The following NSMCE4A variants were observed in gnomAD, a reference collection of about 807,000 sequenced individuals.
NSMCE4A encodes the protein non-structural maintenance of chromosomes element 4 homolog A.
NSMCE4A carries 40 observed loss-of-function variants against 47.9 expected under a neutral mutation model. The observed-to-expected ratio is 0.83, with a 90% CI of 0.65 to 1.09. The LOEUF (loss-of-function observed/expected upper bound fraction) is 1.09. Ranked by LOEUF, NSMCE4A falls within the 50% of genes least tolerant of loss-of-function variation. The probability of loss-of-function intolerance (pLI) is 0.00; values close to 1 mark genes in which losing one functional copy is unlikely to be tolerated. For synonymous variants in NSMCE4A, 166 were observed against 178.5 expected (o/e 0.93, Z 0.56); for missense variants, 500 against 507.0 (o/e 0.99, Z 0.13).
In NSMCE4A at chr10:121,960,709, G is replaced by C. The variant is rs546841478; in HGVS notation, c.940-303C>G. Among the ~76,000 whole-genome samples the C allele has an allele frequency of 4.7e-4, 72 of 152,188 alleles. No individual in the cohort carries two copies. The highest frequency in any genetic ancestry group is 6.5e-4 in the Non-Finnish European group (44 of 68,008). On this transcript the variant is annotated intron_variant, in intron 7 of 10. Coordinates refer to ENST00000369023, the MANE Select transcript of NSMCE4A (RefSeq NM_017615.3). This position sits in a 1 kb window ranked among gnomAD's most constrained non-coding sequence, Gnocchi z 4.2. ...TTTGGAATACTCCACATTTTATTCT[G>C]CATAATTCTGTCACTGGGACCACTG...
intron 5 of NSMCE4A, among the ~76,000 whole-genome samples, chr10:121,964,793 A>G (rs1952575244): frequency 6.6e-6 from 1 of 152,192 alleles, no homozygotes; most frequent in Admixed American, 6.5e-5. Context: ...TACCAGATTA[A>G]CCATTTTCAG....
At chr10:121,959,717 A>C in intron 8 of NSMCE4A, 122 bp from the exon 9 acceptor site, 1 of 665,982 alleles carries the variant, frequency 1.5e-6, no homozygotes, top group South Asian at 1.9e-5. Flanking sequence ...ATAATATTAC[A>C]TACTTTTTAG....
chr10:121,961,569 G>A (rs760539839), intron 6 of NSMCE4A, 52 bp from the exon 7 acceptor site: 180 of 1,087,568 alleles, frequency 1.7e-4, no homozygotes, highest in Non-Finnish European at 2.3e-4. Context: ...ATTAATATCA[G>A]TACACTCTAG....
intron 5 of NSMCE4A, among the ~76,000 whole-genome samples, chr10:121,963,753 G>A (rs186495122): frequency 5.8e-4 from 88 of 152,126 alleles, no homozygotes; most frequent in East Asian, 4.4e-3. Context: ...GGTGACAGGC[G>A]CCTGTACTCC....
At chr10:121,965,525 G>A (rs1486594370) in intron 4 of NSMCE4A, 140 bp from the exon 5 acceptor site, 1 of 636,160 alleles carries the variant, frequency 1.6e-6, no homozygotes, top group Non-Finnish European at 2.8e-6. Context: ...ATCAGAGTAA[G>A]ACTCTTGATA....
intron 3 of NSMCE4A, among the ~76,000 whole-genome samples, chr10:121,969,962 C>T (rs375392149): frequency 2.0e-5 from 3 of 151,980 alleles, no homozygotes; most frequent in South Asian, 2.1e-4. Context: ...GTGATCCACC[C>T]GCCTCAGCCT....
At chr10:121,964,126 T>C (rs1490091802) in intron 5 of NSMCE4A, among the ~76,000 whole-genome samples, 1 of 146,586 alleles carries the variant, frequency 6.8e-6, no homozygotes, top group Non-Finnish European at 1.5e-5. Flanking sequence ...AAAAAACAGA[T>C]TTTCTGGTTT....
In NSMCE4A at chr10:121,965,332, G is replaced by A. The variant is rs1343381179; in HGVS notation, c.707C>T (p.Pro236Leu). The change falls in exon 5 of 11, where the codon CCA (proline) becomes CTA (leucine). Residue 236 changes from proline to leucine, a missense_variant. Coordinates refer to ENST00000369023, the MANE Select transcript of NSMCE4A (RefSeq NM_017615.3). Reference sequence around the variant, plus strand: ...CTCTTGTATCACAGGAACTTTTCTTGGACGATCAACTCGTGGCTTTGGCAC... The same window carrying A: ...CTCTTGTATCACAGGAACTTTTCTTAGACGATCAACTCGTGGCTTTGGCAC... The part of the protein sequence containing the change: ...CPVPKPRVDR[P>L]RKVPVIQEER... 2 of 1,613,700 alleles carry A rather than the reference G, an allele frequency of 1.2e-6. No individual in the cohort carries two copies. Among genetic ancestry groups the A allele is most frequent in the Admixed American group, 3.3e-5 (2 of 59,958 alleles).
rs546061903 is a variant in NSMCE4A, at chr10:121,973,046, G to A, written c.370+958C>T. 6.1e-3 allele frequency among the ~76,000 whole-genome samples: 934 copies of A among 152,214 alleles called. 13 individuals are homozygous for A. The highest frequency in any genetic ancestry group is 0.022 in the African/African-American group (898 of 41,520). On this transcript the variant is annotated intron_variant, in intron 2 of 10. Coordinates refer to ENST00000369023, the MANE Select transcript of NSMCE4A (RefSeq NM_017615.3). ...GAGGTCAGGAGTTCGAGACCAGCCT[G>A]GCCAACATGGCGAAACCCGTCTCTA... is the stretch of plus-strand genomic sequence containing the variant.
intron 3 of NSMCE4A, among the ~76,000 whole-genome samples, chr10:121,970,640 AG>A (rs1295874525): frequency 6.6e-6 from 1 of 152,166 alleles, no homozygotes; most frequent in East Asian, 1.9e-4. Context: ...CAAAGGTCTG[AG>A]GTCACTGAGA....
chr10:121,970,901 G>A, intron 3 of NSMCE4A, 38 bp downstream of exon 3: 5 of 1,543,478 alleles, frequency 3.2e-6, no homozygotes, highest in Non-Finnish European at 4.4e-6. Flanking sequence ...ATATATAACA[G>A]AACATTTTTT....
At position 121,961,428 on chromosome 10, in the gene NSMCE4A, T is replaced by G; in HGVS notation, c.934A>C (p.Ile312Leu). 6.4e-7 allele frequency: 1 copy of G among 1,560,294 alleles called. No homozygotes were observed. Residue 312 changes from isoleucine to leucine, a missense_variant, in exon 7 of 11, where the codon ATA (isoleucine) becomes CTA (leucine). By Grantham distance (5) the Ile-to-Leu change is conservative. Coordinates refer to ENST00000369023, the MANE Select transcript of NSMCE4A (RefSeq NM_017615.3). ...AAAATAATCTTTAATCTTACCCGTA[T>G]AATGAAGGAAACATGAAAGATGTTT... ...VENIFHVSFI[I>L]RDGFARIRLD...
intron 6 of NSMCE4A, 54 bp from the exon 7 acceptor site, chr10:121,961,571 A>G: frequency 9.3e-7 from 1 of 1,078,660 alleles, no homozygotes; most frequent in Non-Finnish European, 1.3e-6. Context: ...TAATATCAGT[A>G]CACTCTAGCG....
rs1278190531 is a variant in NSMCE4A at position 121,961,563 on chromosome 10, A to AT, written c.845-47dup. 3 of 1,148,686 alleles carry AT rather than the reference A, an allele frequency of 2.6e-6. No individual in the cohort carries two copies. The East Asian group carries it at 7.7e-5, about 29-fold the overall frequency. 71.2% of individuals were successfully genotyped at this position (1,148,686 alleles called of 1,614,324 possible). Reference sequence around the variant, plus strand: ...AAAAATTGATTTTTGCTTGTCATTAATATCAGTACACTCTAGCGTTAGCCA... The same window carrying AT: ...AAAAATTGATTTTTGCTTGTCATTAATTATCAGTACACTCTAGCGTTAGCCA... On this transcript the variant is annotated intron_variant, in intron 6 of 10. Coordinates refer to ENST00000369023, the MANE Select transcript of NSMCE4A (RefSeq NM_017615.3).
At chr10:121,970,476 GAAAAAAAA>G (rs57421744) in intron 3 of NSMCE4A, among the ~76,000 whole-genome samples, 84 of 101,900 alleles carry the variant, frequency 8.2e-4, no homozygotes, top group Middle Eastern at 5.0e-3. Flanking sequence ...TGTCTCAAAG[GAAAAAAAA>G]AAAAAAAAAA....
At chr10:121,961,361 T>C (rs1952493910) in intron 7 of NSMCE4A, 62 bp downstream of exon 7, 1 of 1,188,582 alleles carries the variant, frequency 8.4e-7, no homozygotes. Context: ...CTTCTACAGC[T>C]TTTCTTATGT....
chr10:121,965,027 T>C (rs1168625354), intron 5 of NSMCE4A, among the ~76,000 whole-genome samples: 3 of 152,072 alleles, frequency 2.0e-5, no homozygotes, highest in Non-Finnish European at 4.4e-5. Flanking sequence ...AAACCAACAT[T>C]ATCCAGCCGT....
Position 121,975,159 on chromosome 10 carries a change from C to G in NSMCE4A, c.7G>C (p.Gly3Arg). The change falls in exon 1 of 11, where the codon GGG (glycine) becomes CGG (arginine). Residue 3 changes from glycine (G) to arginine (R), a missense_variant. Gly to Arg is a moderately radical substitution (Grantham distance 125). Transcript: ENST00000369023. MS[G>R]DSSGRGPEGR... is the part of the protein sequence containing the mutation. ...TCTGGCCCGCGGCCGCTGCTGTCCC[C>G]AGACATAGCGCCAATTCACCGTGCA... is the stretch of plus-strand genomic sequence containing the variant. The G allele has an allele frequency of 1.4e-6, 2 of 1,389,692 alleles. No homozygotes were observed. The highest frequency in any genetic ancestry group is 3.1e-5 in the East Asian group (1 of 32,612). The allele number at this position is 1,389,692 out of a possible 1,614,324, so 86.1% of individuals were successfully genotyped here.
chr10:121,964,835 C>A (rs978350702), intron 5 of NSMCE4A, among the ~76,000 whole-genome samples: 1 of 152,136 alleles, frequency 6.6e-6, no homozygotes, highest in Non-Finnish European at 1.5e-5. Context: ...TACAAAAGGG[C>A]GGTTTAGAAA....
Sources: gnomAD v4.1 joint callset for allele counts (sites outside exome capture counted in the v4.1 genomes callset) on GRCh38, gnomAD v4.1.1 for gene constraint, Gnocchi (gnomAD v3.1) non-coding constraint, MANE v1.5 for transcripts, NCBI Gene and HGNC (gene_info 2026-07-23, HGNC 2026-07-21) for gene names.